TMEM132D: variants seen among roughly 807,000 people sequenced by gnomAD.
The protein encoded by TMEM132D is mature OL transmembrane protein.
Under a neutral mutation model 62.3 loss-of-function variants are expected in TMEM132D, and 21 were observed. The observed-to-expected ratio is 0.34, with a 90% confidence interval of 0.24 to 0.49. The LOEUF (loss-of-function observed/expected upper bound fraction) is 0.49, where lower values mean the gene tolerates loss of function less well. TMEM132D is among the 20% of genes least tolerant of loss of function. The pLI, the probability that TMEM132D is intolerant of heterozygous loss-of-function variation, is 0.99. For missense variants in TMEM132D, 1,346 were observed against 1,402.8 expected (o/e 0.96, Z 0.65); for synonymous variants, 621 against 575.6 (o/e 1.08, Z -1.13).
At chr12:129,639,114 T>A (rs1272964315) in intron 2 of TMEM132D, among the ~76,000 whole-genome samples, 1 of 152,030 alleles carries the variant, frequency 6.6e-6, no homozygotes, top group East Asian at 1.9e-4. Context: ...CGGGCATGGT[T>A]GCTCACACCT....
intron 4 of TMEM132D, among the ~76,000 whole-genome samples, chr12:129,214,895 G>A (rs2129346): frequency 0.5 from 75,673 of 151,972 alleles, 19,229 homozygotes; most frequent in East Asian, 0.71. Flanking sequence ...TGTGGAAGAC[G>A]GTGTGGTGAT....
intron 5 of TMEM132D, among the ~76,000 whole-genome samples, chr12:129,140,603 C>T (rs183586862): frequency 6.6e-6 from 1 of 152,274 alleles, no homozygotes; most frequent in East Asian, 1.9e-4. Context: ...CTTTGGGAGG[C>T]TGAGACGGGC....
At chr12:129,352,124 G>T (rs914449970) in intron 3 of TMEM132D, among the ~76,000 whole-genome samples, 4 of 152,318 alleles carry the variant, frequency 2.6e-5, no homozygotes, top group African/African-American at 7.2e-5. Flanking sequence ...TTCCCAGGAA[G>T]TTGGGCATTC....
At position 129,867,891 on chromosome 12, in the gene TMEM132D, G is replaced by A. The variant is rs1045389136; in HGVS notation, c.79+35370C>T. The stretch of plus-strand genomic sequence containing the variant: ...GAAAAGGAGCAGAAGAAACTTCTAG[G>A]GCAATGGAAATGTCTGTGTCTCTAC... On this transcript the variant is annotated intron_variant, in intron 1 of 8. Transcript: ENST00000422113. The surrounding 1 kb of genome is among the most constrained non-coding windows in gnomAD (Gnocchi z 4.5). Among the ~76,000 whole-genome samples, 7 of 152,222 alleles carry A rather than the reference G, an allele frequency of 4.6e-5. No homozygotes were observed. Among genetic ancestry groups the A allele is most frequent in the African/African-American group, 1.7e-4 (7 of 41,460 alleles).
chr12:129,571,865 A>T (rs569665063), intron 2 of TMEM132D, among the ~76,000 whole-genome samples: 53 of 146,294 alleles, frequency 3.6e-4, no homozygotes, highest in South Asian at 1.4e-3. Flanking sequence ...GTTTTTTTTT[A>T]AAAAAAGCAA....
rs1337492756 is a variant in TMEM132D at position 129,867,376 on chromosome 12, A to G, written c.79+35885T>C. Among the ~76,000 whole-genome samples the G allele has an allele frequency of 1.3e-5, 2 of 152,222 alleles. No individual in the cohort carries two copies. Among genetic ancestry groups the G allele is most frequent in the African/African-American group, 2.4e-5 (1 of 41,464 alleles). ...ACAGAAACCACATGATCTCACTCAC[A>G]TGCAGAATCTAAAAAAGCTAAACTC... On this transcript the variant is annotated intron_variant, in intron 1 of 8. Transcript: ENST00000422113. The surrounding 1 kb of genome is among the most constrained non-coding windows in gnomAD (Gnocchi z 4.5).
chr12:129,841,630 T>C (rs1873196901), intron 1 of TMEM132D, among the ~76,000 whole-genome samples: 1 of 152,198 alleles, frequency 6.6e-6, no homozygotes, highest in Non-Finnish European at 1.5e-5. Context: ...AAGTTCTCTT[T>C]TTCTAATAGG....
At chr12:129,455,143 G>T (rs958080933) in intron 3 of TMEM132D, among the ~76,000 whole-genome samples, 1 of 152,212 alleles carries the variant, frequency 6.6e-6, no homozygotes, top group Non-Finnish European at 1.5e-5. Context: ...CATGCTATTA[G>T]GTTCCAGCAT....
chr12:129,896,904 T>C (rs1023450720), intron 1 of TMEM132D, among the ~76,000 whole-genome samples: 22 of 152,208 alleles, frequency 1.4e-4, no homozygotes, highest in African/African-American at 4.6e-4. Flanking sequence ...GACTGATCTG[T>C]TCTAAAACTA....
At chr12:129,794,253 A>ATTTTTTTTTTTTTTTTT (rs3046861) in intron 1 of TMEM132D, among the ~76,000 whole-genome samples, 4 of 111,576 alleles carry the variant, frequency 3.6e-5, no homozygotes, top group Non-Finnish European at 5.3e-5. Flanking sequence ...CATGCCCAGC[A>ATTTTTTTTTTTTTTTTT]TTTTTTTTTT....
chr12:129,469,875 T>C (rs1874042381), intron 3 of TMEM132D, among the ~76,000 whole-genome samples: 1 of 152,198 alleles, frequency 6.6e-6, no homozygotes, highest in African/African-American at 2.4e-5. Flanking sequence ...TAGGTCTCTG[T>C]TGGATGCAAA....
At chr12:129,868,622 C>G (rs1275316874) in intron 1 of TMEM132D, among the ~76,000 whole-genome samples, 2 of 152,194 alleles carry the variant, frequency 1.3e-5, no homozygotes, top group South Asian at 2.1e-4. Context: ...TCTCTATGCC[C>G]TGTACCCCTG....
At chr12:129,710,498 T>A (rs931657750) in intron 1 of TMEM132D, among the ~76,000 whole-genome samples, 1 of 152,106 alleles carries the variant, frequency 6.6e-6, no homozygotes, top group Non-Finnish European at 1.5e-5. Flanking sequence ...GGTTTTGCCA[T>A]GTTGGCCAGG....
intron 4 of TMEM132D, among the ~76,000 whole-genome samples, chr12:129,251,258 C>T (rs1404325145): frequency 6.8e-6 from 1 of 147,008 alleles, no homozygotes; most frequent in African/African-American, 2.5e-5. Context: ...ACTCGGGAGG[C>T]TGAGGCAGGA....
chr12:129,406,619 C>CA (rs772303670), intron 3 of TMEM132D, among the ~76,000 whole-genome samples: 8,185 of 101,938 alleles, frequency 0.08, 706 homozygotes, highest in African/African-American at 0.24. Context: ...GACTCCACCT[C>CA]AAAAAAAAAA....
chr12:129,342,940 G>T (rs1025969127), intron 3 of TMEM132D, among the ~76,000 whole-genome samples: 1 of 152,180 alleles, frequency 6.6e-6, no homozygotes, highest in Non-Finnish European at 1.5e-5. Context: ...GTGCTGGAGA[G>T]GATGTGGAGA....
chr12:129,413,309 C>T (rs1010228406), intron 3 of TMEM132D, among the ~76,000 whole-genome samples: 2 of 152,132 alleles, frequency 1.3e-5, no homozygotes, highest in Non-Finnish European at 2.9e-5. Flanking sequence ...AGGGGAAACC[C>T]TTTTCACTTG....
At chr12:129,085,139 C>T (rs529631145) in intron 5 of TMEM132D, 20 of 222,672 alleles carry the variant, frequency 9.0e-5, no homozygotes, top group African/African-American at 4.5e-4. Flanking sequence ...CAAGGAGGGA[C>T]CCATGCACAG....
In TMEM132D at chr12:129,903,475, G is replaced by A. The variant is rs1177960607; in HGVS notation, c.-136C>T. On this transcript the variant is annotated 5_prime_UTR_variant, in exon 1 of 9. Coordinates refer to ENST00000422113, the MANE Select transcript of TMEM132D (RefSeq NM_133448.3). This position sits in a 1 kb window ranked among gnomAD's most constrained non-coding sequence, Gnocchi z 6.2. ...GGCTAGGGGCCCGAGCAGCCCGGGC[G>A]CCCTGCTCCCTCTTCCCGCCAGTCC... is the stretch of plus-strand genomic sequence containing the variant. The A allele has an allele frequency of 2.2e-5, 19 of 875,640 alleles. No individual in the cohort carries two copies. The Admixed American group carries it at 4.7e-4, about 22-fold the overall frequency. The allele number at this position is 875,640 out of a possible 1,614,324, so 54.2% of individuals were successfully genotyped here. A position where few individuals can be genotyped will look rare whatever the true frequency, so the allele number is the denominator to read the frequency against.
Sources: gnomAD v4.1 joint callset for allele counts (sites outside exome capture counted in the v4.1 genomes callset) on GRCh38, gnomAD v4.1.1 for gene constraint, Gnocchi (gnomAD v3.1) non-coding constraint, MANE v1.5 for transcripts, NCBI Gene and HGNC (gene_info 2026-07-23, HGNC 2026-07-21) for gene names.